Variants in TSHR observed in about 807,000 individuals in gnomAD.
TSHR encodes the protein thyrotropin receptor.
A neutral mutation model predicts 64.1 loss-of-function variants in TSHR; 51 were observed. The ratio of observed to expected loss-of-function variants is 0.80; its 90% CI spans 0.64 to 1.01. TSHR has a LOEUF of 1.01. Ranked by LOEUF, TSHR falls within the 50% of genes least tolerant of loss-of-function variation. The probability of loss-of-function intolerance (pLI) is 0.00; values close to 1 mark genes in which losing one functional copy is unlikely to be tolerated. For synonymous variants in TSHR, 361 were observed against 361.9 expected, an observed-to-expected ratio of 1.00 and a Z score of 0.03; for missense variants, 877 against 942.8, an observed-to-expected ratio of 0.93 and a Z score of 0.91.
chr14:81,113,821 G>A (rs1225296488), intron 8 of TSHR, among the ~76,000 whole-genome samples: 1 of 152,100 alleles, frequency 6.6e-6, no homozygotes, highest in African/African-American at 2.4e-5. Context: ...CTGCAAATGA[G>A]AATATAGGTG....
At chr14:81,094,221 TC>T (rs1392459441) in intron 6 of TSHR, 2 of 152,256 alleles carry the variant, frequency 1.3e-5, no homozygotes, top group Admixed American at 1.3e-4. Context: ...GTACCTGTAT[TC>T]CTGGTAGGAG....
chr14:80,974,737 CA>C (rs1238992582), intron 1 of TSHR, among the ~76,000 whole-genome samples: 3 of 151,890 alleles, frequency 2.0e-5, no homozygotes, highest in Non-Finnish European at 2.9e-5. Context: ...ATTTCATGAC[CA>C]AAAAAATAGG....
intron 1 of TSHR, among the ~76,000 whole-genome samples, chr14:80,989,205 C>T (rs779676837): frequency 1.3e-5 from 2 of 152,184 alleles, no homozygotes; most frequent in African/African-American, 4.8e-5. Context: ...ACTTCAGTTT[C>T]GTTTGTTACA....
intron 8 of TSHR, among the ~76,000 whole-genome samples, chr14:81,117,674 A>G (rs1328054503): frequency 1.8e-5 from 2 of 110,122 alleles, no homozygotes; most frequent in Admixed American, 1.8e-4. Context: ...AACTCATTTT[A>G]TGAGGCCAGC....
chr14:81,058,423 C>G (rs1367157512), intron 1 of TSHR, among the ~76,000 whole-genome samples: 7 of 152,162 alleles, frequency 4.6e-5, no homozygotes, highest in Admixed American at 4.6e-4. Context: ...CTTCTTTAAC[C>G]ATAAAATGTG....
chr14:81,080,144 G>C (rs1887798298), intron 3 of TSHR, among the ~76,000 whole-genome samples: 1 of 151,990 alleles, frequency 6.6e-6, no homozygotes, highest in Non-Finnish European at 1.5e-5. Flanking sequence ...AGTAGAGAAG[G>C]GGTTTCACCA....
At chr14:81,119,431 T>C (rs373307556) in intron 8 of TSHR, among the ~76,000 whole-genome samples, 1 of 142,098 alleles carries the variant, frequency 7.0e-6, no homozygotes, top group Non-Finnish European at 1.5e-5. Flanking sequence ...TGAAAAAATG[T>C]TCATCATCAC....
chr14:81,061,433 T>G (rs1886230857), intron 1 of TSHR, among the ~76,000 whole-genome samples: 2 of 152,238 alleles, frequency 1.3e-5, no homozygotes, highest in East Asian at 1.9e-4. Flanking sequence ...GAAAATGTGG[T>G]ACATATATAC....
At chr14:81,063,578 T>C (rs969442468) in intron 2 of TSHR, among the ~76,000 whole-genome samples, 1 of 152,182 alleles carries the variant, frequency 6.6e-6, no homozygotes, top group African/African-American at 2.4e-5. Flanking sequence ...TTTTCCCTCA[T>C]CTACCTTATA....
chr14:81,027,608 A>T (rs538131780), intron 1 of TSHR, among the ~76,000 whole-genome samples: 1 of 152,282 alleles, frequency 6.6e-6, no homozygotes, highest in South Asian at 2.1e-4. Context: ...ACCCAGACAC[A>T]CCAGGCTTGT....
At chr14:81,004,187 C>A (rs1381997588) in intron 1 of TSHR, among the ~76,000 whole-genome samples, 1 of 152,160 alleles carries the variant, frequency 6.6e-6, no homozygotes, top group African/African-American at 2.4e-5. Context: ...AATAATAGCA[C>A]TTTACTCGTC....
intron 9 of TSHR, among the ~76,000 whole-genome samples, chr14:81,140,499 GC>G (rs1290671965): frequency 1.3e-5 from 2 of 152,170 alleles, no homozygotes; most frequent in African/African-American, 4.8e-5. Flanking sequence ...GAATGGAATG[GC>G]CTGGAATATT....
At chr14:81,013,751 C>A (rs1890041975) in intron 1 of TSHR, 1 of 152,146 alleles carries the variant, frequency 6.6e-6, no homozygotes, top group African/African-American at 2.4e-5. Context: ...TTCTTCATAC[C>A]AGACCACACA....
intron 1 of TSHR, among the ~76,000 whole-genome samples, chr14:81,029,482 G>A (rs1039877965): frequency 6.6e-6 from 1 of 152,034 alleles, no homozygotes; most frequent in Non-Finnish European, 1.5e-5. Context: ...GATTGTTACA[G>A]TTCCATATCT....
intron 1 of TSHR, among the ~76,000 whole-genome samples, chr14:80,997,316 A>G (rs1012198743): frequency 6.6e-6 from 1 of 152,222 alleles, no homozygotes; most frequent in Admixed American, 6.5e-5. Context: ...CCACCTCGGG[A>G]TAATTCTGTG....
chr14:81,032,534 A>G, intron 1 of TSHR: 1 of 400,274 alleles, frequency 2.5e-6, no homozygotes, highest in South Asian at 2.3e-5. Flanking sequence ...TTACCATGGA[A>G]AATTCAGAGA....
intron 1 of TSHR, among the ~76,000 whole-genome samples, chr14:81,044,968 T>C (rs568747866): frequency 2.8e-4 from 43 of 152,248 alleles, no homozygotes; most frequent in African/African-American, 9.6e-4. Flanking sequence ...TACAGCACTA[T>C]TCACAATAGC....
At chr14:81,080,281 G>C (rs1887808252) in intron 3 of TSHR, among the ~76,000 whole-genome samples, 1 of 152,106 alleles carries the variant, frequency 6.6e-6, no homozygotes, top group Non-Finnish European at 1.5e-5. Context: ...AAAAATAAGT[G>C]AAAAATTTTA....
chr14:81,132,406 A>G (rs568465111), intron 8 of TSHR, among the ~76,000 whole-genome samples: 8 of 152,354 alleles, frequency 5.3e-5, no homozygotes, highest in African/African-American at 1.9e-4. Flanking sequence ...GTTTGGGGAT[A>G]CTAGAGGGCA....
Sources: gnomAD v4.1 joint callset for allele counts (sites outside exome capture counted in the v4.1 genomes callset) on GRCh38, gnomAD v4.1.1 for gene constraint, MANE v1.5 for transcripts, NCBI Gene and HGNC (gene_info 2026-07-23, HGNC 2026-07-21) for gene names.